LINGO2: variants seen among roughly 807,000 people sequenced by gnomAD.
LINGO2 encodes the protein leucine rich repeat and Ig domain containing 2.
A neutral mutation model predicts 30.6 loss-of-function variants in LINGO2; 14 were observed. That is an observed-to-expected ratio of 0.46 (90% CI 0.30 to 0.72). The LOEUF is 0.72. Ranked by LOEUF, LINGO2 falls within the 30% of genes least tolerant of loss-of-function variation. LINGO2 has a pLI of 0.07. For missense variants in LINGO2, 729 were observed against 751.7 expected, an observed-to-expected ratio of 0.97 and a Z score of 0.35; for synonymous variants, 317 against 288.5, an observed-to-expected ratio of 1.10 and a Z score of -1.00.
intron 3 of LINGO2, among the ~76,000 whole-genome samples, chr9:28,301,303 T>A (rs556386954): frequency 1.3e-5 from 2 of 152,002 alleles, no homozygotes; most frequent in South Asian, 4.2e-4. Context: ...CACCATCCAC[T>A]GCTCTCTAGA....
chr9:28,990,643 C>A, the LINGO2 span, among the ~76,000 whole-genome samples: 1 of 152,146 alleles, frequency 6.6e-6, no homozygotes, highest in African/African-American at 2.4e-5. Context: ...CGGCCGGGTA[C>A]TCCTCTGAGA....
chr9:28,713,855 A>G, the LINGO2 span, among the ~76,000 whole-genome samples: 1 of 152,084 alleles, frequency 6.6e-6, no homozygotes, highest in Non-Finnish European at 1.5e-5. Flanking sequence ...CTAAAATACA[A>G]TAAAAATATA....
chr9:28,900,165 T>A, the LINGO2 span, among the ~76,000 whole-genome samples: 1 of 152,078 alleles, frequency 6.6e-6, no homozygotes, highest in South Asian at 2.1e-4. Flanking sequence ...ATCAGTCTCA[T>A]GGACCCAGGT....
intron 1 of LINGO2, among the ~76,000 whole-genome samples, chr9:28,624,796 G>A (rs900915276): frequency 6.6e-6 from 1 of 151,386 alleles, no homozygotes; most frequent in Non-Finnish European, 1.5e-5. Context: ...CTAGAATGGG[G>A]TCCTTATGGC....
chr9:28,484,839 G>C (rs1344127074), intron 1 of LINGO2, among the ~76,000 whole-genome samples: 1 of 152,088 alleles, frequency 6.6e-6, no homozygotes, highest in Non-Finnish European at 1.5e-5. Context: ...GTCAGAGAGA[G>C]ACATCATCTA....
chr9:28,001,590 G>C (rs1162311341), intron 5 of LINGO2, among the ~76,000 whole-genome samples: 1 of 152,154 alleles, frequency 6.6e-6, no homozygotes, highest in African/African-American at 2.4e-5. Flanking sequence ...CCCAAGTCCA[G>C]TGCTTTTCCT....
intron 1 of LINGO2, among the ~76,000 whole-genome samples, chr9:28,529,392 G>A (rs571589199): frequency 6.6e-6 from 1 of 152,168 alleles, no homozygotes; most frequent in African/African-American, 2.4e-5. Flanking sequence ...TATGTCAGGT[G>A]TCTAATACTG....
intron 2 of LINGO2, among the ~76,000 whole-genome samples, chr9:28,453,582 T>A (rs1824731795): frequency 6.6e-6 from 1 of 152,036 alleles, no homozygotes; most frequent in Admixed American, 6.6e-5. Flanking sequence ...GTTAAAAAGC[T>A]TTAAAATCAC....
At chr9:29,007,386 A>G in the LINGO2 span, among the ~76,000 whole-genome samples, 1 of 152,062 alleles carries the variant, frequency 6.6e-6, no homozygotes, top group Non-Finnish European at 1.5e-5. Flanking sequence ...TTGTTTCCCA[A>G]AATATACGCC....
At chr9:28,084,793 G>T (rs1324146425) in intron 4 of LINGO2, among the ~76,000 whole-genome samples, 1 of 152,078 alleles carries the variant, frequency 6.6e-6, no homozygotes, top group Non-Finnish European at 1.5e-5. Flanking sequence ...AGCACTGCTG[G>T]GCCTTACTGA....
Position 28,305,613 on chromosome 9 carries a change from T to C in LINGO2, c.-245-10247A>G, listed in dbSNP as rs1184773830. Among the ~76,000 whole-genome samples the C allele has an allele frequency of 2.0e-5, 3 of 152,116 alleles. No homozygotes were observed. In the East Asian group the frequency reaches 5.8e-4, roughly 29 times the overall value. ...GAAATTTACACAAAAAAGTTCCCAA[T>C]AATATAAAATTAAATGAAATACATG... On this transcript the variant is annotated intron_variant, in intron 3 of 5. Transcript: ENST00000379992.
chr9:28,196,327 C>A (rs1222836283), intron 4 of LINGO2, among the ~76,000 whole-genome samples: 1 of 151,318 alleles, frequency 6.6e-6, no homozygotes, highest in Admixed American at 6.6e-5. Context: ...TCAGAATTTC[C>A]AGACCTATGT....
chr9:28,487,427 T>C (rs929181168), intron 1 of LINGO2, among the ~76,000 whole-genome samples: 44 of 152,254 alleles, frequency 2.9e-4, no homozygotes, highest in African/African-American at 9.9e-4. Context: ...AACAACTAAA[T>C]AGAGTTTGGG....
At chr9:28,187,254 G>A (rs926817640) in intron 4 of LINGO2, among the ~76,000 whole-genome samples, 21 of 152,122 alleles carry the variant, frequency 1.4e-4, no homozygotes, top group African/African-American at 4.8e-4. Context: ...ACTTTGGGAG[G>A]CTGAGGCAGG....
At chr9:28,260,212 C>T (rs1822517581) in intron 4 of LINGO2, among the ~76,000 whole-genome samples, 1 of 151,148 alleles carries the variant, frequency 6.6e-6, no homozygotes. Context: ...TACTATACTA[C>T]TCAAAGTGGA....
At chr9:28,031,443 G>A (rs984600599) in intron 4 of LINGO2, among the ~76,000 whole-genome samples, 2 of 149,984 alleles carry the variant, frequency 1.3e-5, no homozygotes, top group South Asian at 2.1e-4. Flanking sequence ...TGTTTACATT[G>A]TGGAATGATT....
At chr9:29,170,535 C>T in the LINGO2 span, among the ~76,000 whole-genome samples, 2 of 151,988 alleles carry the variant, frequency 1.3e-5, no homozygotes, top group Non-Finnish European at 2.9e-5. Flanking sequence ...CAGACTTCAC[C>T]ACTATGCTAT....
intron 4 of LINGO2, among the ~76,000 whole-genome samples, chr9:28,034,623 A>G (rs1210556668): frequency 6.6e-6 from 1 of 152,184 alleles, no homozygotes; most frequent in African/African-American, 2.4e-5. Context: ...ACAAACTGAA[A>G]ACTCATTCCA....
At chr9:28,090,944 T>C (rs1270924108) in intron 4 of LINGO2, among the ~76,000 whole-genome samples, 1 of 152,164 alleles carries the variant, frequency 6.6e-6, no homozygotes, top group Non-Finnish European at 1.5e-5. Flanking sequence ...AGCCAAATCA[T>C]GAGTGAACTC....
Sources: allele counts gnomAD v4.1 joint callset (sites outside exome capture counted in the v4.1 genomes callset), GRCh38; gene constraint gnomAD v4.1.1; transcripts MANE v1.5; gene names NCBI Gene and HGNC (gene_info 2026-07-23, HGNC 2026-07-21).